Variants in WEE1 observed in about 807,000 individuals in gnomAD.
WEE1 encodes the protein WEE1 G2 checkpoint kinase.
WEE1 carries 16 observed loss-of-function variants against 68.8 expected under a neutral mutation model. The ratio of observed to expected loss-of-function variants is 0.23; its 90% CI spans 0.16 to 0.35. WEE1 has a LOEUF of 0.35. Among genes scored for constraint, WEE1 ranks in the 10% least tolerant of loss-of-function variants. The pLI is 1.00. For missense variants in WEE1, 651 were observed against 824.1 expected (o/e 0.79, Z 2.57); for synonymous variants, 349 against 318.7 (o/e 1.09, Z -1.01).
rs1565087230 is a variant in WEE1 at position 9,575,998 on chromosome 11, G to C, written c.687G>C (p.Gln229His). 3 of 1,614,032 alleles carry C rather than the reference G, an allele frequency of 1.9e-6. No individual in the cohort carries two copies. The African/African-American group carries it at 4.0e-5, about 22-fold the overall frequency. Residue 229 changes from glutamine (Q) to histidine (H), a missense_variant, in exon 2 of 11, where the codon CAG becomes CAC. Gln to His is a conservative substitution (Grantham distance 24). Coordinates refer to ENST00000450114, the MANE Select transcript of WEE1 (RefSeq NM_003390.4). ...KSGKREFDVR[Q>H]TPQVNINPFT... is the part of the protein sequence containing the mutation. ...GAAAAAGGGAATTTGATGTGCGACA[G>C]ACTCCTCAAGTGAATATTAATCCTT...
Position 9,588,496 on chromosome 11 carries a change from C to G in WEE1, c.1835C>G (p.Ala612Gly). Residue 612 changes from alanine (A) to glycine (G), a missense_variant, in exon 11 of 11, where the codon GCA (alanine) becomes GGA (glycine). By Grantham distance (60) the Ala-to-Gly change is moderately conservative. This residue lies in a region of WEE1 where 115 missense variants were observed against 142.7 expected (regional missense o/e 0.81). Coordinates refer to ENST00000450114, the MANE Select transcript of WEE1 (RefSeq NM_003390.4). The stretch of plus-strand genomic sequence containing the variant: ...GCAAAAGCTGCAGCTGAGGAAAGAG[C>G]ACTCTTCACTGACCGGATGGCCACT... ...QMAKAAAEER[A>G]LFTDRMATRS... 2 of 1,609,128 alleles carry G rather than the reference C, an allele frequency of 1.2e-6. No homozygotes were observed. The highest frequency in any genetic ancestry group is 1.7e-6 in the Non-Finnish European group (2 of 1,178,804).
Position 9,575,926 on chromosome 11 carries a change from T to C in WEE1, c.615T>C (p.Ser205=). ...LSKARGIDSS[S]VKLRGSSLFM... ...AAGCTCGGGGAATTGATTCCAGCTC[T>C]GTTAAACTCCGGGGTAGTTCTCTCT... The change falls in exon 2 of 11, where the codon TCT becomes TCC. Residue 205 remains serine (S), a synonymous_variant. Coordinates refer to ENST00000450114, the MANE Select transcript of WEE1 (RefSeq NM_003390.4). 6.2e-7 allele frequency: 1 copy of C among 1,614,188 alleles called. No individual in the cohort carries two copies. Among genetic ancestry groups the C allele is most frequent in the Non-Finnish European group, 8.5e-7 (1 of 1,180,026 alleles).
rs1415386464 is a variant in WEE1, at chr11:9,576,878, G to A, written c.1019+219G>A. 6.6e-6 allele frequency among the ~76,000 whole-genome samples: 1 copy of A among 152,122 alleles called. No homozygotes were observed. Among genetic ancestry groups the A allele is most frequent in the Non-Finnish European group, 1.5e-5 (1 of 68,018 alleles). On this transcript the variant is annotated intron_variant, in intron 4 of 10. Coordinates refer to ENST00000450114, the MANE Select transcript of WEE1 (RefSeq NM_003390.4). This position sits in a 1 kb window ranked among gnomAD's most constrained non-coding sequence, Gnocchi z 4.3. ...AACTTAAATTTCTTATTTCTAGTCA[G>A]CATCCATGAATTCACAGTAAAATGG...
intron 5 of WEE1, 37 bp downstream of exon 5, chr11:9,577,300 A>C: frequency 6.3e-7 from 1 of 1,597,272 alleles, no homozygotes; most frequent in Non-Finnish European, 8.5e-7. Flanking sequence ...AGCTTGAGAA[A>C]ATGAACATCG....
Position 9,588,873 on chromosome 11 carries a change from T to C in WEE1, c.*271T>C. On this transcript the variant is annotated 3_prime_UTR_variant, in exon 11 of 11. Transcript: ENST00000450114. ...GTTAACCACTGTGGTGGTGTGCTGCTTATAGTTTGCTGTTGCATTGTAATA... is the reference window on the plus strand; with the variant it reads ...GTTAACCACTGTGGTGGTGTGCTGCCTATAGTTTGCTGTTGCATTGTAATA... 9.6e-7 allele frequency: 1 copy of C among 1,041,868 alleles called. No individual in the cohort carries two copies. The highest frequency in any genetic ancestry group is 1.2e-6 in the Non-Finnish European group (1 of 865,342). The allele number at this position is 1,041,868 out of a possible 1,614,324, so 64.5% of individuals were successfully genotyped here. A position where few individuals can be genotyped will look rare whatever the true frequency, so the allele number is the denominator to read the frequency against.
Position 9,588,526 on chromosome 11 carries a change from C to T in WEE1, c.1865C>T (p.Ser622Phe), listed in dbSNP as rs751339750. 2 of 1,612,722 alleles carry T rather than the reference C, an allele frequency of 1.2e-6. No homozygotes were observed. The highest frequency in any genetic ancestry group is 1.7e-6 in the Non-Finnish European group (2 of 1,179,730). Reference sequence around the variant, plus strand: ...TTCACTGACCGGATGGCCACTAGGTCCACCACCCAGAGTAATAGAACATCT... The same window carrying T: ...TTCACTGACCGGATGGCCACTAGGTTCACCACCCAGAGTAATAGAACATCT... ...ALFTDRMATR[S>F]TTQSNRTSRL... Residue 622 changes from serine (S) to phenylalanine (F), a missense_variant, in exon 11 of 11, where the codon TCC becomes TTC. Physicochemically the swap from Ser to Phe is radical, Grantham distance 155. Coordinates refer to ENST00000450114, the MANE Select transcript of WEE1 (RefSeq NM_003390.4).
chr11:9,577,231 A>G lies in WEE1; in HGVS notation c.1109A>G (p.Asp370Gly). ...VRYFSAWAEDDHMLIQNEYCN... is the reference protein window; with the variant it reads ...VRYFSAWAEDGHMLIQNEYCN... ...TATTTCTCTGCGTGGGCAGAAGATGATCATATGCTTATACAGAATGAATAT... is the reference window on the plus strand; with the variant it reads ...TATTTCTCTGCGTGGGCAGAAGATGGTCATATGCTTATACAGAATGAATAT... Residue 370 changes from aspartate (D) to glycine (G), a missense_variant, in exon 5 of 11, where the codon GAT (aspartate) becomes GGT (glycine). Asp to Gly is a moderately conservative substitution (Grantham distance 94). Around this residue, in one of 5 missense-constraint regions of WEE1, gnomAD observed 41 missense variants for 125.6 expected, o/e 0.33. Transcript: ENST00000450114. 1.2e-6 allele frequency: 2 copies of G among 1,614,008 alleles called. No individual in the cohort carries two copies. The highest frequency in any genetic ancestry group is 1.7e-6 in the Non-Finnish European group (2 of 1,179,904).
At position 9,573,818 on chromosome 11, in the gene WEE1, C is replaced by G; in HGVS notation, c.-116C>G. 1.1e-6 allele frequency: 1 copy of G among 895,814 alleles called. No individual in the cohort carries two copies. The highest frequency in any genetic ancestry group is 4.4e-4 in the Middle Eastern group (1 of 2,298). 55.5% of individuals were successfully genotyped at this position (895,814 alleles called of 1,614,324 possible). ...GCAGGCCGCCGCCGCGCAGAGACGCCGCGGCTGCGACTAGGCGCGCCCAGC... is the reference window on the plus strand; with the variant it reads ...GCAGGCCGCCGCCGCGCAGAGACGCGGCGGCTGCGACTAGGCGCGCCCAGC... On this transcript the variant is annotated 5_prime_UTR_variant, in exon 1 of 11. Transcript: ENST00000450114.
chr11:9,582,943 A>C (rs201097517), intron 6 of WEE1, among the ~76,000 whole-genome samples: 6 of 152,358 alleles, frequency 3.9e-5, no homozygotes, highest in Non-Finnish European at 8.8e-5. Context: ...AGCTGTACTC[A>C]TATAAAGTGT....
Position 9,588,997 on chromosome 11 carries a change from C to G in WEE1, c.*395C>G. On this transcript the variant is annotated 3_prime_UTR_variant, in exon 11 of 11. Transcript: ENST00000450114. ...AAGGGACATGCTAAAAGACTCATTACTACTCAGCCTTCAATGTACCTGTGT... is the reference window on the plus strand; with the variant it reads ...AAGGGACATGCTAAAAGACTCATTAGTACTCAGCCTTCAATGTACCTGTGT... The G allele has an allele frequency of 4.1e-6, 4 of 986,556 alleles. No individual in the cohort carries two copies. Among genetic ancestry groups the G allele is most frequent in the Non-Finnish European group, 4.8e-6 (4 of 830,400 alleles). 61.1% of individuals were successfully genotyped at this position (986,556 alleles called of 1,614,324 possible).
At position 9,574,358 on chromosome 11, in the gene WEE1, G is replaced by A; in HGVS notation, c.425G>A (p.Arg142His). ...YFLGSSFSPV[R>H]CGGPGDASPR... ...CTGGGTAGCTCTTTCTCGCCGGTGC[G>A]CTGCGGCGGCCCAGGAGATGCGTCG... The change falls in exon 1 of 11, where the codon CGC (arginine) becomes CAC (histidine). Residue 142 changes from arginine (R) to histidine (H), a missense_variant. Around this residue, in one of 5 missense-constraint regions of WEE1, gnomAD observed 395 missense variants for 378.4 expected, o/e 1.04. Coordinates refer to ENST00000450114, the MANE Select transcript of WEE1 (RefSeq NM_003390.4). This position sits in a 1 kb window ranked among gnomAD's most constrained non-coding sequence, Gnocchi z 4.9. The A allele has an allele frequency of 1.6e-6, 2 of 1,242,756 alleles. No individual in the cohort carries two copies. Among genetic ancestry groups the A allele is most frequent in the Non-Finnish European group, 2.0e-6 (2 of 994,420 alleles). The allele number at this position is 1,242,756 out of a possible 1,614,324, so 77.0% of individuals were successfully genotyped here.
Position 9,581,649 on chromosome 11 carries a change from T to C in WEE1, c.1259T>C (p.Met420Thr). ...CGAGGCTTGAGGTATATTCATTCAA[T>C]GTCTTTGGTTCACATGGATATAAAA... ...VGRGLRYIHS[M>T]SLVHMDIKPS... Residue 420 changes from methionine to threonine, a missense_variant, in exon 6 of 11, where the codon ATG becomes ACG. This residue lies in a region of WEE1 where 82 missense variants were observed against 123.2 expected (regional missense o/e 0.67). Coordinates refer to ENST00000450114, the MANE Select transcript of WEE1 (RefSeq NM_003390.4). The C allele has an allele frequency of 6.2e-7, 1 of 1,613,190 alleles. No individual in the cohort carries two copies.
chr11:9,583,802 C>CACATATATAT (rs1295357946), intron 6 of WEE1, among the ~76,000 whole-genome samples: 1 of 17,850 alleles, frequency 5.6e-5, no homozygotes, highest in Non-Finnish European at 9.9e-5. Flanking sequence ...CACACACACA[C>CACATATATAT]ATATATATAT....
intron 6 of WEE1, among the ~76,000 whole-genome samples, chr11:9,582,670 G>A (rs1265813987): frequency 1.3e-5 from 2 of 152,024 alleles, no homozygotes; most frequent in Admixed American, 6.6e-5. Flanking sequence ...ACGTTCAAGC[G>A]ATTCTCCTGC....
chr11:9,577,342 T>C (rs1358065286), intron 5 of WEE1, 79 bp downstream of exon 5: 3 of 1,491,682 alleles, frequency 2.0e-6, no homozygotes, highest in Non-Finnish European at 2.7e-6. Flanking sequence ...AAAATCTTGC[T>C]CTATTTCTGT....
At position 9,589,313 on chromosome 11, in the gene WEE1, T is replaced by C. The variant is rs956430056; in HGVS notation, c.*711T>C. 1.0e-6 allele frequency: 1 copy of C among 985,286 alleles called. No individual in the cohort carries two copies. The highest frequency in any genetic ancestry group is 1.7e-5 in the African/African-American group (1 of 57,282). 61.0% of individuals were successfully genotyped at this position (985,286 alleles called of 1,614,324 possible). The stretch of plus-strand genomic sequence containing the variant: ...CCTTTGAACTTTGAAGCTAGTGCAT[T>C]GGAAAAATGCACCCTTTCCCTCCTT... On this transcript the variant is annotated 3_prime_UTR_variant, in exon 11 of 11. Coordinates refer to ENST00000450114, the MANE Select transcript of WEE1 (RefSeq NM_003390.4).
chr11:9,586,676 C>T, intron 9 of WEE1, 35 bp from the exon 10 acceptor site: 4 of 1,611,230 alleles, frequency 2.5e-6, no homozygotes, highest in Non-Finnish European at 3.4e-6. Context: ...TTATTAAATG[C>T]ATGTCTTTAC....
At position 9,588,528 on chromosome 11, in the gene WEE1, A is replaced by C. The variant is rs1418159470; in HGVS notation, c.1867A>C (p.Thr623Pro). 1 of 1,612,818 alleles carries C rather than the reference A, an allele frequency of 6.2e-7. No individual in the cohort carries two copies. Among genetic ancestry groups the C allele is most frequent in the Non-Finnish European group, 8.5e-7 (1 of 1,179,754 alleles). Reference protein sequence around the residue: ...LFTDRMATRSTTQSNRTSRLI... With the variant: ...LFTDRMATRSPTQSNRTSRLI... ...CACTGACCGGATGGCCACTAGGTCC[A>C]CCACCCAGAGTAATAGAACATCTCG... Residue 623 changes from threonine to proline, a missense_variant, in exon 11 of 11, where the codon ACC (threonine) becomes CCC (proline). By Grantham distance (38) the Thr-to-Pro change is conservative (BLOSUM62 -1). Coordinates refer to ENST00000450114, the MANE Select transcript of WEE1 (RefSeq NM_003390.4).
intron 10 of WEE1, 103 bp downstream of exon 10, chr11:9,586,959 G>GTT: frequency 7.7e-7 from 1 of 1,295,126 alleles, no homozygotes; most frequent in East Asian, 2.5e-5. Flanking sequence ...GGATGTAGTG[G>GTT]TTTTTTGTGT....
Sources: allele counts gnomAD v4.1 joint callset (sites outside exome capture counted in the v4.1 genomes callset), GRCh38; gene constraint gnomAD v4.1.1; regional missense constraint gnomAD v4.1.1; non-coding constraint Gnocchi (gnomAD v3.1); transcripts MANE v1.5; gene names NCBI Gene and HGNC (gene_info 2026-07-23, HGNC 2026-07-21).